USP15: variants seen among roughly 807,000 people sequenced by gnomAD.
USP15 encodes the protein ubiquitin carboxyl-terminal hydrolase 15.
A neutral mutation model predicts 127.1 loss-of-function variants in USP15; 18 were observed. That is an observed-to-expected ratio of 0.14 (90% CI 0.10 to 0.21). The LOEUF (loss-of-function observed/expected upper bound fraction) is 0.21, where lower values mean the gene tolerates loss of function less well. Ranked by LOEUF, USP15 falls within the 10% of genes least tolerant of loss-of-function variation. The pLI, the probability that USP15 is intolerant of heterozygous loss-of-function variation, is 1.00. For synonymous variants in USP15, 364 were observed against 393.7 expected (o/e 0.92, Z 0.89); for missense variants, 805 against 1,159.9 (o/e 0.69, Z 4.44).
At chr12:62,342,636 T>G (rs1201534932) in intron 6 of USP15, among the ~76,000 whole-genome samples, 1 of 152,148 alleles carries the variant, frequency 6.6e-6, no homozygotes, top group Non-Finnish European at 1.5e-5. Context: ...CTTGTTTGTT[T>G]TTCTTCTAAC....
chr12:62,380,998 A>G (rs1292455925), intron 8 of USP15, among the ~76,000 whole-genome samples: 4 of 152,120 alleles, frequency 2.6e-5, no homozygotes, highest in Non-Finnish European at 2.9e-5. Flanking sequence ...TCTTCTAAAA[A>G]TGGTTGACCA....
chr12:62,294,457 T>C, intron 2 of USP15, 151 bp downstream of exon 2: 2 of 774,014 alleles, frequency 2.6e-6, no homozygotes, highest in East Asian at 6.6e-5. Flanking sequence ...TTCTAATAAG[T>C]TATTAAAAAT....
intron 2 of USP15, among the ~76,000 whole-genome samples, chr12:62,295,139 C>G (rs750855624): frequency 1.3e-5 from 2 of 152,116 alleles, no homozygotes; most frequent in Admixed American, 6.5e-5. Context: ...ACCTAGACCC[C>G]CCCCCATAGG....
intron 3 of USP15, among the ~76,000 whole-genome samples, chr12:62,311,501 G>T (rs991475851): frequency 6.6e-6 from 1 of 151,718 alleles, no homozygotes; most frequent in African/African-American, 2.4e-5. Context: ...GAAAGTAGCC[G>T]TAAACATAAA....
chr12:62,384,557 A>C (rs1314928745), intron 11 of USP15, among the ~76,000 whole-genome samples: 1 of 151,624 alleles, frequency 6.6e-6, no homozygotes, highest in African/African-American at 2.4e-5. Context: ...GTTTATTTTT[A>C]TAATATTGGG....
intron 1 of USP15, among the ~76,000 whole-genome samples, chr12:62,264,193 G>A (rs188134818): frequency 1.4e-4 from 21 of 151,984 alleles, no homozygotes; most frequent in African/African-American, 4.6e-4. Context: ...CATGTTACCC[G>A]GGTTGGTCTC....
Position 62,415,946 on chromosome 12 carries a change from G to C in USP15, c.*11571G>C, listed in dbSNP as rs2068144559. The C allele has an allele frequency of 6.6e-6, 1 of 152,170 alleles. No homozygotes were observed. The highest frequency in any genetic ancestry group is 2.4e-5 in the African/African-American group (1 of 41,460). The allele number at this position is 152,170 out of a possible 1,614,324, so 9.4% of individuals were successfully genotyped here. On this transcript the variant is annotated 3_prime_UTR_variant, in exon 22 of 22. Transcript: ENST00000280377. Reference sequence around the variant, plus strand: ...TCCTTATGAATGAGAGCAGCTCTCTGTTCAATACGATTCATACTCAAGTTC... The same window carrying C: ...TCCTTATGAATGAGAGCAGCTCTCTCTTCAATACGATTCATACTCAAGTTC...
At chr12:62,391,736 G>T in intron 16 of USP15, 80 bp from the exon 17 acceptor site, 1 of 1,221,544 alleles carries the variant, frequency 8.2e-7, no homozygotes, top group Non-Finnish European at 1.1e-6. Context: ...TGTTTATTCT[G>T]GTGTATATCC....
At position 62,308,039 on chromosome 12, in the gene USP15, A is replaced by T. The variant is rs141984134; in HGVS notation, c.348+5119A>T. Among the ~76,000 whole-genome samples the T allele has an allele frequency of 1.7e-3, 255 of 152,194 alleles. 1 individual carries two copies. Among genetic ancestry groups the T allele is most frequent in the African/African-American group, 5.2e-3 (214 of 41,526 alleles). ...CGTAATTAATAAATTAAACTTCGTCATAGGTATGTATGTTTGTAAAGGAAA... is the reference window on the plus strand; with the variant it reads ...CGTAATTAATAAATTAAACTTCGTCTTAGGTATGTATGTTTGTAAAGGAAA... On this transcript the variant is annotated intron_variant, in intron 3 of 21. Transcript: ENST00000280377.
chr12:62,383,902 G>C lies in USP15; in HGVS notation c.1152G>C (p.Leu384=), dbSNP rs747919514. The C allele has an allele frequency of 6.2e-7, 1 of 1,612,822 alleles. No individual in the cohort carries two copies. Among genetic ancestry groups the C allele is most frequent in the African/African-American group, 1.3e-5 (1 of 74,852 alleles). ...ATCAGCAGCAAGACTGTCAAGAACT[G>C]TTAGCTTTCCTATTAGATGGATTAC... ...SGYQQQDCQE[L]LAFLLDGLHE... The change falls in exon 10 of 22, where the codon CTG becomes CTC. Residue 384 remains leucine, a synonymous_variant. Transcript: ENST00000280377.
At chr12:62,387,710 A>G (rs1035303712) in intron 11 of USP15, among the ~76,000 whole-genome samples, 4 of 152,198 alleles carry the variant, frequency 2.6e-5, no homozygotes, top group Non-Finnish European at 5.9e-5. Context: ...TTATGATAAT[A>G]TAGATATCAT....
intron 4 of USP15, among the ~76,000 whole-genome samples, chr12:62,321,056 T>G (rs2137279404): frequency 6.6e-6 from 1 of 152,288 alleles, no homozygotes; most frequent in Admixed American, 6.5e-5. Flanking sequence ...AAATTGCTTA[T>G]GTGGTACTTA....
chr12:62,316,503 A>G (rs1019727909), intron 4 of USP15, among the ~76,000 whole-genome samples: 3 of 152,120 alleles, frequency 2.0e-5, no homozygotes, highest in Admixed American at 2.0e-4. Flanking sequence ...ATGAATATGT[A>G]CATGAGAAGA....
At position 62,383,843 on chromosome 12, in the gene USP15, C is replaced by G. The variant is rs952536260; in HGVS notation, c.1093C>G (p.Gln365Glu). Reference sequence around the variant, plus strand: ...GATGGTTTTGCATTTCTTACAGACACAGGTAGGACGTTTTGCACCTCAGTT... The same window carrying G: ...GATGGTTTTGCATTTCTTACAGACAGAGGTAGGACGTTTTGCACCTCAGTT... ...SYVTPRAFKT[Q>E]VGRFAPQFSG... The change falls in exon 10 of 22, where the codon CAG becomes GAG. Residue 365 changes from glutamine (Q) to glutamate (E), a missense_variant. Physicochemically the swap from Gln to Glu is conservative, Grantham distance 29. Transcript: ENST00000280377. 3 of 1,611,156 alleles carry G rather than the reference C, an allele frequency of 1.9e-6. No homozygotes were observed. The highest frequency in any genetic ancestry group is 2.7e-5 in the African/African-American group (2 of 74,774).
intron 6 of USP15, among the ~76,000 whole-genome samples, chr12:62,343,692 C>T (rs1310426809): frequency 6.6e-6 from 1 of 152,140 alleles, no homozygotes; most frequent in East Asian, 1.9e-4. Context: ...AAGCAGTGCC[C>T]CACCCTGCTT....
intron 1 of USP15, 94 bp downstream of exon 1, chr12:62,260,597 C>T (rs942821474): frequency 4.0e-6 from 5 of 1,245,014 alleles, no homozygotes; most frequent in Non-Finnish European, 5.6e-6. Flanking sequence ...GTGACAGGTG[C>T]GGGCAGGTCC....
At chr12:62,274,248 A>G (rs2063417270) in intron 1 of USP15, 1 of 152,234 alleles carries the variant, frequency 6.6e-6, no homozygotes, top group African/African-American at 2.4e-5. Flanking sequence ...TAATCCCAAC[A>G]CTTTGAGAGG....
intron 3 of USP15, among the ~76,000 whole-genome samples, chr12:62,308,284 T>C (rs1037311153): frequency 6.6e-6 from 1 of 152,046 alleles, no homozygotes; most frequent in South Asian, 2.1e-4. Context: ...CTGTGAATCA[T>C]TGGGGGCCAG....
At chr12:62,269,433 T>A (rs988879681) in intron 1 of USP15, among the ~76,000 whole-genome samples, 2 of 152,088 alleles carry the variant, frequency 1.3e-5, no homozygotes, top group Non-Finnish European at 2.9e-5. Context: ...CTTTTTTGTT[T>A]TTAGAGACAG....
Sources: gnomAD v4.1 joint callset for allele counts (sites outside exome capture counted in the v4.1 genomes callset) on GRCh38, gnomAD v4.1.1 for gene constraint, MANE v1.5 for transcripts, NCBI Gene and HGNC (gene_info 2026-07-23, HGNC 2026-07-21) for gene names.